AFF4: variants seen among roughly 807,000 people sequenced by gnomAD.
AFF4 encodes AF4/FMR2 family member 4.
In AFF4, 13 loss-of-function variants were observed where a neutral mutation model predicts 124.8. The ratio of observed to expected loss-of-function variants is 0.10; its 90% CI spans 0.07 to 0.17. The LOEUF (loss-of-function observed/expected upper bound fraction) is 0.17, where lower values mean the gene tolerates loss of function less well. Among genes scored for constraint, AFF4 ranks in the 10% least tolerant of loss-of-function variants. The pLI is 1.00. For missense variants in AFF4, 1,092 were observed against 1,403.8 expected (o/e 0.78, Z 3.55); for synonymous variants, 477 against 496.1 (o/e 0.96, Z 0.51).
At chr5:132,928,224 A>C (rs181732495) in intron 4 of AFF4, among the ~76,000 whole-genome samples, 1 of 152,214 alleles carries the variant, frequency 6.6e-6, no homozygotes, top group Admixed American at 6.5e-5. Context: ...TTTAAAAAAA[A>C]ACAAAAAAAC....
intron 1 of AFF4, among the ~76,000 whole-genome samples, chr5:132,944,756 C>G (rs1265216598): frequency 6.6e-6 from 1 of 151,512 alleles, no homozygotes; most frequent in East Asian, 1.9e-4. Flanking sequence ...AGAGTGAAAC[C>G]CCATCTCTAC....
chr5:132,925,924 A>C (rs1761160680), intron 5 of AFF4, among the ~76,000 whole-genome samples: 1 of 152,260 alleles, frequency 6.6e-6, no homozygotes, highest in Admixed American at 6.5e-5. Flanking sequence ...ACATGCACAC[A>C]GAAGGCACCA....
chr5:132,942,470 T>A (rs1377856207), intron 1 of AFF4, among the ~76,000 whole-genome samples: 1 of 151,098 alleles, frequency 6.6e-6, no homozygotes, highest in East Asian at 1.9e-4. Flanking sequence ...CTTTTTTTTT[T>A]TTTTTTTTTT....
At chr5:132,958,464 T>TAAA (rs1762008951) in intron 1 of AFF4, among the ~76,000 whole-genome samples, 1 of 26,026 alleles carries the variant, frequency 3.8e-5, no homozygotes, top group African/African-American at 2.5e-4. Context: ...AGACCCTGTC[T>TAAA]CAAAAAAAAA....
At chr5:132,938,793 A>G (rs1461201568) in intron 1 of AFF4, among the ~76,000 whole-genome samples, 1 of 151,556 alleles carries the variant, frequency 6.6e-6, no homozygotes, top group Non-Finnish European at 1.5e-5. Flanking sequence ...AATACAAAAA[A>G]TTAGCCAGGT....
chr5:132,919,438 G>C (rs1046549083), intron 5 of AFF4, among the ~76,000 whole-genome samples: 9 of 152,288 alleles, frequency 5.9e-5, no homozygotes, highest in African/African-American at 2.2e-4. Flanking sequence ...TTTAAATAAA[G>C]ATGCTAATTG....
Position 132,896,314 on chromosome 5 carries a change from T to C in AFF4, c.2307+9A>G. The C allele has an allele frequency of 6.4e-7, 1 of 1,567,870 alleles. No individual in the cohort carries two copies. The highest frequency in any genetic ancestry group is 2.2e-5 in the East Asian group (1 of 44,740). ...GTTTCAAAACAAACAACAAAAACCCTTCACAAACCTTATGCTTCCTCTTGC... is the reference window on the plus strand; with the variant it reads ...GTTTCAAAACAAACAACAAAAACCCCTCACAAACCTTATGCTTCCTCTTGC... On this transcript the variant is annotated intron_variant, in intron 11 of 20. Transcript: ENST00000265343.
In AFF4 at chr5:132,880,204, CAT is replaced by C. The variant is rs1357956174; in HGVS notation, c.*853_*854del. Reference sequence around the variant, plus strand: ...TCAAATGATTAGCAACAAAAAATAACATATGGTTTTAATAAAATCCGTAACGT... The same window carrying C: ...TCAAATGATTAGCAACAAAAAATAACATGGTTTTAATAAAATCCGTAACGT... On this transcript the variant is annotated 3_prime_UTR_variant, in exon 21 of 21. Coordinates refer to ENST00000265343, the MANE Select transcript of AFF4 (RefSeq NM_014423.4). 2.8e-5 allele frequency: 11 copies of C among 398,836 alleles called. No individual in the cohort carries two copies. The highest frequency in any genetic ancestry group is 1.2e-4 in the African/African-American group (6 of 48,626). 24.7% of individuals were successfully genotyped at this position (398,836 alleles called of 1,614,324 possible).
chr5:132,957,040 A>C (rs1021594325), intron 1 of AFF4, among the ~76,000 whole-genome samples: 10 of 150,536 alleles, frequency 6.6e-5, no homozygotes, highest in South Asian at 2.1e-4. Flanking sequence ...AAAAAAAAAA[A>C]AAAAAAAAAC....
chr5:132,942,162 GGTT>G (rs1344079308), intron 1 of AFF4, among the ~76,000 whole-genome samples: 2 of 152,210 alleles, frequency 1.3e-5, no homozygotes, highest in East Asian at 1.9e-4. Flanking sequence ...CCAAGTCCCA[GGTT>G]GTTTTTACCT....
intron 1 of AFF4, among the ~76,000 whole-genome samples, chr5:132,952,670 G>T (rs550209592): frequency 6.6e-6 from 1 of 152,348 alleles, no homozygotes; most frequent in Admixed American, 6.5e-5. Flanking sequence ...AAGGCAGGCA[G>T]ATCACTTGAG....
At chr5:132,955,790 A>AT in intron 1 of AFF4, among the ~76,000 whole-genome samples, 10 of 140,642 alleles carry the variant, frequency 7.1e-5, no homozygotes, top group Admixed American at 2.2e-4. Flanking sequence ...AAAAAAAAAA[A>AT]AAAAAATATA....
chr5:132,900,910 A>C, intron 7 of AFF4: 1 of 984,836 alleles, frequency 1.0e-6, no homozygotes, highest in Non-Finnish European at 1.2e-6. Flanking sequence ...ATCAGTGAGA[A>C]GGAAATCTTC....
chr5:132,909,039 G>A (rs1561490543), intron 5 of AFF4, among the ~76,000 whole-genome samples: 1 of 151,430 alleles, frequency 6.6e-6, no homozygotes, highest in Non-Finnish European at 1.5e-5. Context: ...AAAGTGCTGG[G>A]ATTATAAGCA....
intron 3 of AFF4, among the ~76,000 whole-genome samples, chr5:132,932,598 A>G (rs751548938): frequency 6.6e-5 from 10 of 152,206 alleles, no homozygotes; most frequent in Non-Finnish European, 1.3e-4. Flanking sequence ...AAGTTAACCC[A>G]TTTATGCCAG....
intron 4 of AFF4, among the ~76,000 whole-genome samples, chr5:132,927,907 C>A (rs1461997209): frequency 6.6e-6 from 1 of 152,000 alleles, no homozygotes; most frequent in Non-Finnish European, 1.5e-5. Context: ...ATCTTAATGC[C>A]AAATATGTCT....
chr5:132,880,617 G>A lies in AFF4; in HGVS notation c.*442C>T. The A allele has an allele frequency of 2.8e-6, 1 of 351,946 alleles. No homozygotes were observed. 21.8% of individuals were successfully genotyped at this position (351,946 alleles called of 1,614,324 possible). Reference sequence around the variant, plus strand: ...GAACAGCTACCACAAAAAGATATTAGGTAATAAAGCTCCCAAGGTATATAA... The same window carrying A: ...GAACAGCTACCACAAAAAGATATTAAGTAATAAAGCTCCCAAGGTATATAA... On this transcript the variant is annotated 3_prime_UTR_variant, in exon 21 of 21. Coordinates refer to ENST00000265343, the MANE Select transcript of AFF4 (RefSeq NM_014423.4).
At chr5:132,954,370 C>A (rs567341855) in intron 1 of AFF4, among the ~76,000 whole-genome samples, 1 of 152,200 alleles carries the variant, frequency 6.6e-6, no homozygotes, top group East Asian at 1.9e-4. Context: ...AGGGGTGGCT[C>A]ACTTGCTTAC....
chr5:132,896,229 T>G, intron 11 of AFF4, 94 bp downstream of exon 11: 1 of 1,439,108 alleles, frequency 6.9e-7, no homozygotes, highest in Non-Finnish European at 9.3e-7. Context: ...CTTCACAGCT[T>G]ATGACCCACC....
Sources: gnomAD v4.1 joint callset for allele counts (sites outside exome capture counted in the v4.1 genomes callset) on GRCh38, gnomAD v4.1.1 for gene constraint, MANE v1.5 for transcripts, NCBI Gene and HGNC (gene_info 2026-07-23, HGNC 2026-07-21) for gene names.